RRP12: variants seen among roughly 807,000 people sequenced by gnomAD.
The protein encoded by RRP12 is ribosomal RNA processing 12 homolog, also known as RRP12-like protein.
In RRP12, 78 loss-of-function variants were observed where a neutral mutation model predicts 157.3. The ratio of observed to expected loss-of-function variants is 0.50; its 90% confidence interval spans 0.41 to 0.60. RRP12 has a LOEUF of 0.60. RRP12 is among the 20% of genes least tolerant of loss of function. The pLI, the probability that RRP12 is intolerant of heterozygous loss-of-function variation, is 0.00. For missense variants in RRP12, 1,521 were observed against 1,679.9 expected (o/e 0.91, Z 1.65); for synonymous variants, 726 against 670.9 (o/e 1.08, Z -1.27).
intron 4 of RRP12, 52 bp from the exon 5 acceptor site, chr10:97,390,896 G>A (rs762065047): frequency 8.2e-7 from 1 of 1,212,624 alleles, no homozygotes; most frequent in Non-Finnish European, 1.2e-6. Context: ...AAGAGCAGCT[G>A]GTGCAGCCCC....
At chr10:97,361,374 G>A (rs945173709) in intron 30 of RRP12, among the ~76,000 whole-genome samples, 1 of 152,246 alleles carries the variant, frequency 6.6e-6, no homozygotes, top group African/African-American at 2.4e-5. Flanking sequence ...GAGGCGTGCT[G>A]TGCAGGGAGG....
At chr10:97,367,322 A>C in intron 25 of RRP12, 190 bp from the exon 26 acceptor site, 1 of 602,712 alleles carries the variant, frequency 1.7e-6, no homozygotes, top group Non-Finnish European at 3.0e-6. Context: ...TTTCCCCTGC[A>C]CCCTCCTTCA....
chr10:97,358,161 C>A (rs1026427498), intron 33 of RRP12, among the ~76,000 whole-genome samples: 4 of 151,728 alleles, frequency 2.6e-5, no homozygotes, highest in South Asian at 2.1e-4. Context: ...GGTGAAACCC[C>A]ATCTCTACTA....
At chr10:97,385,291 C>T in intron 9 of RRP12, 34 bp from the exon 10 acceptor site, 2 of 1,520,878 alleles carry the variant, frequency 1.3e-6, no homozygotes, top group Non-Finnish European at 1.8e-6. Flanking sequence ...ACTGAGCATG[C>T]AGGGTCTGCA....
At chr10:97,383,741 C>G (rs113468737) in intron 10 of RRP12, among the ~76,000 whole-genome samples, 1 of 152,318 alleles carries the variant, frequency 6.6e-6, no homozygotes, top group African/African-American at 2.4e-5. Flanking sequence ...GAGAACGGAG[C>G]CGCCAGTCCA....
Position 97,390,843 on chromosome 10 carries a change from C to T in RRP12, c.532G>A (p.Val178Ile). Residue 178 changes from valine to isoleucine, a missense_variant and splice_region_variant, in exon 5 of 34, where the codon GTT (valine) becomes ATT (isoleucine). By Grantham distance (29) the Val-to-Ile change is conservative. Coordinates refer to ENST00000370992, the MANE Select transcript of RRP12 (RefSeq NM_015179.4). ...AYLLNLVLKR[V>I]PSPVLIKKFS... ...TTCTTAATAAGCACAGGGCTGGGAA[C>T]ACTGTGGGAAAGAACAGAGATGGTC... 6.2e-7 allele frequency: 1 copy of T among 1,600,260 alleles called. No individual in the cohort carries two copies. Among genetic ancestry groups the T allele is most frequent in the South Asian group, 1.1e-5 (1 of 90,812 alleles).
At position 97,379,706 on chromosome 10, in the gene RRP12, T is replaced by G; in HGVS notation, c.1598A>C (p.Gln533Pro). Residue 533 changes from glutamine to proline, a missense_variant, in exon 14 of 34, where the codon CAG becomes CCG. Physicochemically the swap from Gln to Pro is moderately conservative, Grantham distance 76. Coordinates refer to ENST00000370992, the MANE Select transcript of RRP12 (RefSeq NM_015179.4). Reference sequence around the variant, plus strand: ...ACTGGTCACCGCAGCCCCCACTGCCTGGTCAAGAGCCGCCGTGTGGGGGAA... The same window carrying G: ...ACTGGTCACCGCAGCCCCCACTGCCGGGTCAAGAGCCGCCGTGTGGGGGAA... ...PHFPHTAALDQAVGAAVTSMG... is the reference protein window; with the variant it reads ...PHFPHTAALDPAVGAAVTSMG... 3 of 1,613,976 alleles carry G rather than the reference T, an allele frequency of 1.9e-6. No individual in the cohort carries two copies. Among genetic ancestry groups the G allele is most frequent in the Non-Finnish European group, 2.5e-6 (3 of 1,179,972 alleles).
rs181828272 is a variant in RRP12 at position 97,365,868 on chromosome 10, G to A, written c.3517+240C>T. The A allele has an allele frequency of 5.7e-4, 311 of 545,932 alleles. 1 individual carries two copies. The African/African-American group carries it at 5.7e-3, about 10-fold the overall frequency. 33.8% of individuals were successfully genotyped at this position (545,932 alleles called of 1,614,324 possible). ...ACTAACAGCGTATCACACACAGTAAGGGGAAGTACCATTTCCGATAGTTTC... is the reference window on the plus strand; with the variant it reads ...ACTAACAGCGTATCACACACAGTAAAGGGAAGTACCATTTCCGATAGTTTC... On this transcript the variant is annotated intron_variant, in intron 29 of 33. Coordinates refer to ENST00000370992, the MANE Select transcript of RRP12 (RefSeq NM_015179.4).
chr10:97,364,074 G>A (rs11189166), intron 29 of RRP12, among the ~76,000 whole-genome samples, 171 bp from the exon 30 acceptor site: 8,207 of 152,182 alleles, frequency 0.054, 282 homozygotes, highest in Non-Finnish European at 0.063. Flanking sequence ...AGACCCCTGA[G>A]CACTGCCCCT....
chr10:97,399,684 G>A (rs1009762608), intron 2 of RRP12, among the ~76,000 whole-genome samples: 1 of 150,224 alleles, frequency 6.7e-6, no homozygotes, highest in Non-Finnish European at 1.5e-5. Flanking sequence ...GTGAAACCCC[G>A]TCTCTACTAA....
intron 3 of RRP12, among the ~76,000 whole-genome samples, chr10:97,396,003 A>T (rs1844952901): frequency 1.3e-5 from 2 of 151,834 alleles, no homozygotes; most frequent in Admixed American, 1.3e-4. Flanking sequence ...CTGTCTCTTT[A>T]AAAAAAAGAA....
At position 97,390,829 on chromosome 10, in the gene RRP12, C is replaced by T. The variant is rs1474039085; in HGVS notation, c.546G>A (p.Val182=). 6.2e-7 allele frequency: 1 copy of T among 1,611,780 alleles called. No individual in the cohort carries two copies. Among genetic ancestry groups the T allele is most frequent in the Non-Finnish European group, 8.5e-7 (1 of 1,177,902 alleles). Residue 182 remains valine, a synonymous_variant, in exon 5 of 34, where the codon GTG becomes GTA. Transcript: ENST00000370992. ...NLVLKRVPSP[V]LIKKFSDTSK... is the part of the protein sequence containing the mutation. ...AGGTATCAGAGAACTTCTTAATAAG[C>T]ACAGGGCTGGGAACACTGTGGGAAA...
intron 30 of RRP12, among the ~76,000 whole-genome samples, chr10:97,362,056 G>A (rs59058784): frequency 0.051 from 7,618 of 149,788 alleles, 246 homozygotes; most frequent in East Asian, 0.12. Flanking sequence ...GCAGTGAGCC[G>A]AGATTGCGCC....
At position 97,357,128 on chromosome 10, in the gene RRP12, C is replaced by T. The variant is rs1300991247; in HGVS notation, c.3860G>A (p.Gly1287Glu). Residue 1287 changes from glycine (G) to glutamate (E), a missense_variant, in exon 34 of 34, where the codon GGA becomes GAA. Coordinates refer to ENST00000370992, the MANE Select transcript of RRP12 (RefSeq NM_015179.4). ...ACGATCCTTTCTGCGGTTTTTGTGTCCCACCTGGGAACCTCGCCGGGCAGC... is the reference window on the plus strand; with the variant it reads ...ACGATCCTTTCTGCGGTTTTTGTGTTCCACCTGGGAACCTCGCCGGGCAGC... The part of the protein sequence containing the change: ...VKAARRGSQV[G>E]HKNRRKDRRP 2 of 1,613,412 alleles carry T rather than the reference C, an allele frequency of 1.2e-6. No homozygotes were observed. The highest frequency in any genetic ancestry group is 8.5e-7 in the Non-Finnish European group (1 of 1,179,534).
intron 17 of RRP12, among the ~76,000 whole-genome samples, 183 bp downstream of exon 17, chr10:97,373,392 G>A (rs938230709): frequency 6.6e-6 from 1 of 152,160 alleles, no homozygotes; most frequent in South Asian, 2.1e-4. Context: ...CATGGTCCTC[G>A]ATGGCTCCAA....
At chr10:97,384,142 A>T (rs565048794) in intron 10 of RRP12, among the ~76,000 whole-genome samples, 5 of 149,896 alleles carry the variant, frequency 3.3e-5, no homozygotes, top group East Asian at 3.9e-4. Context: ...GGCCCTGAGC[A>T]CCCCCAACCT....
In RRP12 at chr10:97,366,475, A is replaced by G. The variant is rs753970687; in HGVS notation, c.3362T>C (p.Leu1121Pro). ...EGGGDEPLNF[L>P]DPKVAQRVLA... is the part of the protein sequence containing the mutation. ...GACTCGTTGGGCCACCTTGGGATCC[A>G]GGAAGTTGAGGGGCTCGTCCCCACC... is the stretch of plus-strand genomic sequence containing the variant. The change falls in exon 28 of 34, where the codon CTG becomes CCG. Residue 1121 changes from leucine (L) to proline (P), a missense_variant. Physicochemically the swap from Leu to Pro is moderately conservative, Grantham distance 98. Transcript: ENST00000370992. The G allele has an allele frequency of 6.2e-7, 1 of 1,613,224 alleles. No individual in the cohort carries two copies. The highest frequency in any genetic ancestry group is 8.5e-7 in the Non-Finnish European group (1 of 1,179,628).
At chr10:97,393,510 C>T in intron 4 of RRP12, 174 bp downstream of exon 4, 2 of 692,820 alleles carry the variant, frequency 2.9e-6, no homozygotes, top group African/African-American at 1.8e-5. Flanking sequence ...GAGTTTCTCA[C>T]TAGAGGCCTA....
rs1843723445 is a variant in RRP12, at chr10:97,356,780, A to G, written c.*314T>C. 3.5e-6 allele frequency: 1 copy of G among 282,962 alleles called. No homozygotes were observed. The highest frequency in any genetic ancestry group is 6.5e-6 in the Non-Finnish European group (1 of 152,788). The allele number at this position is 282,962 out of a possible 1,614,324, so 17.5% of individuals were successfully genotyped here. ...CACAGGCAGGATGCCACGTGGCTAC[A>G]GGCAGCTGGCGGAAATGGAGATCAT... is the stretch of plus-strand genomic sequence containing the variant. On this transcript the variant is annotated 3_prime_UTR_variant, in exon 34 of 34. Coordinates refer to ENST00000370992, the MANE Select transcript of RRP12 (RefSeq NM_015179.4).
Sources: gnomAD v4.1 joint callset for allele counts (sites outside exome capture counted in the v4.1 genomes callset) on GRCh38, gnomAD v4.1.1 for gene constraint, MANE v1.5 for transcripts, NCBI Gene and HGNC (gene_info 2026-07-23, HGNC 2026-07-21) for gene names.